Variants in GATAD2A observed in about 807,000 individuals in gnomAD.
GATAD2A encodes the protein GATA zinc finger domain containing 2A, also known as transcriptional repressor p66-alpha.
Under a neutral mutation model 68.5 loss-of-function variants are expected in GATAD2A, and 12 were observed. That is an observed-to-expected ratio of 0.18 (90% CI 0.11 to 0.28). GATAD2A has a LOEUF of 0.28. GATAD2A is among the 10% of genes least tolerant of loss of function. The pLI, the probability that GATAD2A is intolerant of heterozygous loss-of-function variation, is 1.00. For synonymous variants in GATAD2A, 410 were observed against 375.3 expected, an observed-to-expected ratio of 1.09 and a Z score of -1.07; for missense variants, 755 against 868.5, an observed-to-expected ratio of 0.87 and a Z score of 1.64.
chr19:19,502,976 C>T (rs927141329), intron 11 of GATAD2A, among the ~76,000 whole-genome samples: 1 of 152,204 alleles, frequency 6.6e-6, no homozygotes, highest in Admixed American at 6.5e-5. Context: ...AGGGGGTGTG[C>T]CCAGGGCAGC....
intron 2 of GATAD2A, among the ~76,000 whole-genome samples, chr19:19,478,638 G>A (rs1158533445): frequency 6.6e-6 from 1 of 151,490 alleles, no homozygotes; most frequent in Non-Finnish European, 1.5e-5. Flanking sequence ...CATAGCAAAA[G>A]TGTCTCTACT....
At chr19:19,423,675 T>C (rs2052708977) in intron 1 of GATAD2A, among the ~76,000 whole-genome samples, 1 of 152,256 alleles carries the variant, frequency 6.6e-6, no homozygotes. Context: ...TTCTGCCTCT[T>C]AGCAAAGGAA....
At chr19:19,478,568 T>G (rs538166184) in intron 2 of GATAD2A, among the ~76,000 whole-genome samples, 1 of 151,376 alleles carries the variant, frequency 6.6e-6, no homozygotes, top group African/African-American at 2.4e-5. Context: ...CACTCCAGCC[T>G]CGGCGACAGA....
intron 1 of GATAD2A, among the ~76,000 whole-genome samples, chr19:19,407,669 A>T (rs2050436350): frequency 6.6e-6 from 1 of 152,334 alleles, no homozygotes; most frequent in East Asian, 1.9e-4. Context: ...TAATCTGGTG[A>T]CATGGGGACA....
In GATAD2A at chr19:19,508,631, G is replaced by A. The variant is rs2060968069; in HGVS notation, c.*3157G>A. ...GATGCTGAGCTATGCTGCACATGAC[G>A]TTAACCTAAAGAACTTGGACTGAGC... On this transcript the variant is annotated 3_prime_UTR_variant, in exon 12 of 12. Coordinates refer to ENST00000683918, the MANE Select transcript of GATAD2A (RefSeq NM_001384528.1). 4 of 152,294 alleles carry A rather than the reference G, an allele frequency of 2.6e-5. No individual in the cohort carries two copies. The South Asian group carries it at 8.3e-4, about 32-fold the overall frequency. The allele number at this position is 152,294 out of a possible 1,614,324, so 9.4% of individuals were successfully genotyped here.
chr19:19,504,254 G>C (rs2060731321), intron 11 of GATAD2A, among the ~76,000 whole-genome samples: 1 of 152,242 alleles, frequency 6.6e-6, no homozygotes, highest in Non-Finnish European at 1.5e-5. Flanking sequence ...AATTCTGCGT[G>C]TGCTGGGTGG....
At chr19:19,426,283 A>G (rs542235737) in intron 1 of GATAD2A, among the ~76,000 whole-genome samples, 27 of 152,218 alleles carry the variant, frequency 1.8e-4, no homozygotes, top group East Asian at 5.8e-4. Context: ...TCTGGCTTCT[A>G]TTCCACAAAC....
chr19:19,497,488 G>C (rs1464096812), intron 7 of GATAD2A, among the ~76,000 whole-genome samples: 2 of 152,212 alleles, frequency 1.3e-5, no homozygotes, highest in Non-Finnish European at 2.9e-5. Context: ...TCTGCTCCTA[G>C]CGTGGCTGGG....
At chr19:19,448,759 C>G (rs768403018) in intron 1 of GATAD2A, among the ~76,000 whole-genome samples, 1 of 152,060 alleles carries the variant, frequency 6.6e-6, no homozygotes, top group African/African-American at 2.4e-5. Context: ...TAAAGTGCAC[C>G]GCCCCTGGCC....
intron 11 of GATAD2A, 146 bp downstream of exon 11, chr19:19,502,672 T>C: frequency 1.6e-6 from 1 of 633,846 alleles, no homozygotes. Context: ...CTTTCCCTCT[T>C]GCCCCTAACC....
At chr19:19,437,894 A>G (rs577288355) in intron 1 of GATAD2A, among the ~76,000 whole-genome samples, 70 of 152,282 alleles carry the variant, frequency 4.6e-4, no homozygotes, top group African/African-American at 1.6e-3. Flanking sequence ...TTCGTGTACA[A>G]GCTTTTGTTT....
At chr19:19,475,623 C>T (rs147413782) in intron 2 of GATAD2A, among the ~76,000 whole-genome samples, 4 of 152,296 alleles carry the variant, frequency 2.6e-5, no homozygotes, top group Non-Finnish European at 4.4e-5. Context: ...TCACCAGCTC[C>T]GACTAGAAAT....
At chr19:19,419,045 C>T (rs961779552) in intron 1 of GATAD2A, among the ~76,000 whole-genome samples, 3 of 152,134 alleles carry the variant, frequency 2.0e-5, no homozygotes, top group African/African-American at 4.8e-5. Flanking sequence ...CTCTCAGGGC[C>T]TGTACCCTCC....
At chr19:19,408,363 A>G (rs1470513226) in intron 1 of GATAD2A, among the ~76,000 whole-genome samples, 1 of 152,198 alleles carries the variant, frequency 6.6e-6, no homozygotes, top group Non-Finnish European at 1.5e-5. Context: ...ATCATTTGGC[A>G]AATCCTATAA....
chr19:19,473,940 C>G, intron 2 of GATAD2A: 1 of 575,436 alleles, frequency 1.7e-6, no homozygotes, highest in Non-Finnish European at 2.2e-6. Flanking sequence ...AGCGAGACTC[C>G]GTCTCAAAAA....
Position 19,502,457 on chromosome 19 carries a change from T to G in GATAD2A, c.1705T>G (p.Ser569Ala). The stretch of plus-strand genomic sequence containing the variant: ...CCTGGTCAGCAGGACCGGCAGACAT[T>G]CTGAGAGAACCGTGAGCGCCGGCAA... ...TALVSRTGRHSERTVSAGKGS... is the reference protein window; with the variant it reads ...TALVSRTGRHAERTVSAGKGS... The change falls in exon 11 of 12, where the codon TCT (serine) becomes GCT (alanine). Residue 569 changes from serine to alanine, a missense_variant. Transcript: ENST00000683918. The G allele has an allele frequency of 6.2e-7, 1 of 1,613,674 alleles. No individual in the cohort carries two copies. Among genetic ancestry groups the G allele is most frequent in the Non-Finnish European group, 8.5e-7 (1 of 1,180,010 alleles).
chr19:19,454,185 CAG>C (rs2056695607), intron 1 of GATAD2A, among the ~76,000 whole-genome samples: 1 of 131,234 alleles, frequency 7.6e-6, no homozygotes. Context: ...TTAGTAGAGA[CAG>C]GGTTTCTCCA....
intron 1 of GATAD2A, among the ~76,000 whole-genome samples, chr19:19,435,922 G>C (rs1037201934): frequency 6.6e-6 from 1 of 152,146 alleles, no homozygotes; most frequent in African/African-American, 2.4e-5. Context: ...GGCGTTCATT[G>C]GTTAGCACTG....
At chr19:19,439,423 G>A (rs1475036262) in intron 1 of GATAD2A, among the ~76,000 whole-genome samples, 1 of 152,184 alleles carries the variant, frequency 6.6e-6, no homozygotes, top group Non-Finnish European at 1.5e-5. Flanking sequence ...GCACGTTGGA[G>A]CACCACCAAG....
Sources: gnomAD v4.1 joint callset for allele counts (sites outside exome capture counted in the v4.1 genomes callset) on GRCh38, gnomAD v4.1.1 for gene constraint, MANE v1.5 for transcripts, NCBI Gene and HGNC (gene_info 2026-07-23, HGNC 2026-07-21) for gene names.